Variants in CPNE5 observed in about 807,000 individuals in gnomAD.
CPNE5 encodes the protein copine-5.
CPNE5 carries 42 observed loss-of-function variants against 81.1 expected under a neutral mutation model. The observed-to-expected ratio is 0.52, with a 90% CI of 0.40 to 0.67. The LOEUF (loss-of-function observed/expected upper bound fraction) is 0.67, where lower values mean the gene tolerates loss of function less well. Ranked by LOEUF, CPNE5 falls within the 30% of genes least tolerant of loss-of-function variation. The pLI, the probability that CPNE5 is intolerant of heterozygous loss-of-function variation, is 0.00. For missense variants in CPNE5, 612 were observed against 815.5 expected, an observed-to-expected ratio of 0.75 and a Z score of 3.04; for synonymous variants, 313 against 321.5, an observed-to-expected ratio of 0.97 and a Z score of 0.28.
At chr6:36,764,953 T>G (rs1056467102) in intron 11 of CPNE5, among the ~76,000 whole-genome samples, 2 of 132,338 alleles carry the variant, frequency 1.5e-5, no homozygotes, top group Non-Finnish European at 3.4e-5. Flanking sequence ...GGAAAATGTG[T>G]CCATGAATGC....
chr6:36,823,121 G>T, intron 1 of CPNE5, 23 bp from the exon 2 acceptor site: 2 of 1,535,026 alleles, frequency 1.3e-6, no homozygotes, highest in Non-Finnish European at 1.8e-6. Flanking sequence ...GAGAGAGGAG[G>T]GGTTAGCACG....
rs1185919971 is a variant in CPNE5 at position 36,743,733 on chromosome 6, G to A, written c.1519C>T (p.Arg507Trp). The A allele has an allele frequency of 8.7e-6, 14 of 1,612,636 alleles. No homozygotes were observed. The highest frequency in any genetic ancestry group is 3.3e-5 in the South Asian group (3 of 91,090). The change falls in exon 20 of 21, where the codon CGG becomes TGG. Residue 507 changes from arginine (R) to tryptophan (W), a missense_variant. By Grantham distance (101) the Arg-to-Trp change is moderately radical (BLOSUM62 -3). Coordinates refer to ENST00000244751, the MANE Select transcript of CPNE5 (RefSeq NM_020939.2). Reference protein sequence around the residue: ...AMVELDGDDVRISSRGKLAER... With the variant: ...AMVELDGDDVWISSRGKLAER... ...GCCAGCTTCCCCCGGGAGGAGATCC[G>A]CACGTCGTCGCCATCCAGCTCCACC...
chr6:36,791,906 A>G (rs1208812045), intron 8 of CPNE5, 127 bp downstream of exon 8: 17 of 818,650 alleles, frequency 2.1e-5, no homozygotes, highest in East Asian at 7.4e-5. Context: ...GCAAAATTCT[A>G]TGACAGCCAG....
chr6:36,764,968 A>C lies in CPNE5; in HGVS notation c.779+367T>G, dbSNP rs541353243. 3.1e-5 allele frequency among the ~76,000 whole-genome samples: 3 copies of C among 96,756 alleles called. No homozygotes were observed. In the East Asian group the frequency reaches 9.7e-4, roughly 31 times the overall value. 63.5% of individuals were successfully genotyped at this position (96,756 alleles called of 152,430 possible). ...GGAAAATGTGTCCATGAATGCTTGA[A>C]GTTCACTGGTGTCTGTGCCCTAGAA... is the stretch of plus-strand genomic sequence containing the variant. On this transcript the variant is annotated intron_variant, in intron 11 of 20. Transcript: ENST00000244751.
At chr6:36,832,353 G>A (rs1561831865) in intron 1 of CPNE5, among the ~76,000 whole-genome samples, 2 of 152,170 alleles carry the variant, frequency 1.3e-5, no homozygotes, top group African/African-American at 2.4e-5. Flanking sequence ...CCTGAAATCC[G>A]GGAAGATGGC....
chr6:36,774,862 T>C (rs1270911753), intron 10 of CPNE5, 99 bp downstream of exon 10: 2 of 905,288 alleles, frequency 2.2e-6, no homozygotes, highest in African/African-American at 1.6e-5. Flanking sequence ...TTTCTACTGA[T>C]GGGACTGACC....
In CPNE5 at chr6:36,762,888, AAAC is replaced by A. The variant is rs757117820; in HGVS notation, c.855+26_855+28del. The A allele has an allele frequency of 4.4e-6, 7 of 1,601,228 alleles. No individual in the cohort carries two copies. In the South Asian group the frequency reaches 4.4e-5, roughly 10 times the overall value. On this transcript the variant is annotated intron_variant, in intron 12 of 20. Transcript: ENST00000244751. Reference sequence around the variant, plus strand: ...CAGTGACTGGGCCACTTAGTAGTGCAAACCCTGGATTTCGGGTGCCCACCTCAC... The same window carrying A: ...CAGTGACTGGGCCACTTAGTAGTGCACCTGGATTTCGGGTGCCCACCTCAC...
chr6:36,809,672 C>A (rs1317555807), intron 3 of CPNE5, among the ~76,000 whole-genome samples: 1 of 152,110 alleles, frequency 6.6e-6, no homozygotes, highest in Admixed American at 6.5e-5. Flanking sequence ...CTGGAAGAAA[C>A]CAAATCCTCT....
In CPNE5 at chr6:36,796,651, C is replaced by A. The variant is rs148813494; in HGVS notation, c.404+1514G>T. The stretch of plus-strand genomic sequence containing the variant: ...AGAAATAAGTCCTAAGAGGGAGGGG[C>A]CTAGCAAATATGAATGTGAATTTTG... On this transcript the variant is annotated intron_variant, in intron 6 of 20. Transcript: ENST00000244751. 1.2e-3 allele frequency among the ~76,000 whole-genome samples: 188 copies of A among 152,296 alleles called. 1 individual carries two copies. The highest frequency in any genetic ancestry group is 3.4e-3 in the Middle Eastern group (1 of 294).
intron 8 of CPNE5, among the ~76,000 whole-genome samples, chr6:36,781,238 G>C (rs890569861): frequency 9.9e-5 from 15 of 152,088 alleles, no homozygotes; most frequent in African/African-American, 3.6e-4. Context: ...AAGGAAGCTG[G>C]ACTGGGGGCT....
At chr6:36,818,004 C>T (rs1271628067) in intron 3 of CPNE5, among the ~76,000 whole-genome samples, 1 of 152,128 alleles carries the variant, frequency 6.6e-6, no homozygotes, top group African/African-American at 2.4e-5. Context: ...TGCTACTGGG[C>T]CCCTGGGTTA....
At chr6:36,788,028 C>T (rs1274865801) in intron 8 of CPNE5, among the ~76,000 whole-genome samples, 3 of 149,814 alleles carry the variant, frequency 2.0e-5, no homozygotes, top group Non-Finnish European at 4.4e-5. Flanking sequence ...ACAACCCCTA[C>T]CTTTTCTTTT....
At chr6:36,745,607 G>T in intron 16 of CPNE5, 92 bp from the exon 17 acceptor site, 1 of 1,400,450 alleles carries the variant, frequency 7.1e-7, no homozygotes, top group Non-Finnish European at 9.7e-7. Flanking sequence ...GAGGCCAGCA[G>T]GCCTGGGCTC....
chr6:36,743,272 C>T (rs1045748119), intron 20 of CPNE5: 4 of 981,876 alleles, frequency 4.1e-6, no homozygotes, highest in African/African-American at 1.8e-5. Flanking sequence ...ATTATATTTG[C>T]ACCGTTCATG....
chr6:36,749,126 G>A (rs891259483), intron 14 of CPNE5, among the ~76,000 whole-genome samples: 2 of 151,692 alleles, frequency 1.3e-5, no homozygotes, highest in Non-Finnish European at 2.9e-5. Flanking sequence ...TGCAGAGATG[G>A]GGTCTCATTA....
chr6:36,759,196 C>T (rs171034), intron 12 of CPNE5, among the ~76,000 whole-genome samples: 4,376 of 152,316 alleles, frequency 0.029, 157 homozygotes, highest in African/African-American at 0.083. Flanking sequence ...TTTAAATTAG[C>T]CTGTATTCCA....
intron 12 of CPNE5, chr6:36,757,240 C>T: frequency 1.3e-6 from 1 of 796,028 alleles, no homozygotes; most frequent in Non-Finnish European, 1.5e-6. Flanking sequence ...CTAGGCACAA[C>T]TTTTCCCTAA....
intron 19 of CPNE5, 89 bp from the exon 20 acceptor site, chr6:36,743,851 G>T: frequency 8.6e-7 from 1 of 1,166,614 alleles, no homozygotes; most frequent in Non-Finnish European, 1.3e-6. Flanking sequence ...TTTCATCCCA[G>T]GCCAATCCAG....
At chr6:36,769,076 T>C (rs1223127238) in intron 10 of CPNE5, among the ~76,000 whole-genome samples, 2 of 152,332 alleles carry the variant, frequency 1.3e-5, no homozygotes, top group South Asian at 2.1e-4. Context: ...CCATGCTTCT[T>C]GAAAATATCA....
Sources: allele counts gnomAD v4.1 joint callset (sites outside exome capture counted in the v4.1 genomes callset), GRCh38; gene constraint gnomAD v4.1.1; transcripts MANE v1.5; gene names NCBI Gene and HGNC (gene_info 2026-07-23, HGNC 2026-07-21).